NFIB: variants seen among roughly 807,000 people sequenced by gnomAD.
NFIB encodes the protein nuclear factor 1 B-type.
A neutral mutation model predicts 61.5 loss-of-function variants in NFIB; 11 were observed. The observed-to-expected ratio is 0.18, with a 90% confidence interval of 0.11 to 0.30. The LOEUF is 0.30. Ranked by LOEUF, NFIB falls within the 10% of genes least tolerant of loss-of-function variation. The pLI is 1.00. For synonymous variants in NFIB, 260 were observed against 216.5 expected (o/e 1.20, Z -1.76); for missense variants, 471 against 608.9 (o/e 0.77, Z 2.38).
intron 2 of NFIB, among the ~76,000 whole-genome samples, chr9:14,223,536 A>G (rs1431239526): frequency 6.6e-6 from 1 of 152,178 alleles, no homozygotes; most frequent in Non-Finnish European, 1.5e-5. Context: ...AGAAACCACT[A>G]ATTATTTAAT....
chr9:14,467,176 A>C, the NFIB span, among the ~76,000 whole-genome samples: 1 of 152,196 alleles, frequency 6.6e-6, no homozygotes, highest in Non-Finnish European at 1.5e-5. Context: ...AATAGAGTTC[A>C]TCATTTGATG....
intron 3 of NFIB, among the ~76,000 whole-genome samples, chr9:14,163,429 C>CA (rs1563851803): frequency 6.6e-6 from 1 of 151,578 alleles, no homozygotes; most frequent in Non-Finnish European, 1.5e-5. Context: ...ATAAAGAGAA[C>CA]AAAAAGTTGT....
At chr9:14,397,101 CTCTT>C (rs1352775197) in intron 1 of NFIB, among the ~76,000 whole-genome samples, 4 of 152,170 alleles carry the variant, frequency 2.6e-5, no homozygotes, top group Middle Eastern at 3.2e-3. Flanking sequence ...TTCTCTCTCT[CTCTT>C]TCTTTCTCAC....
At chr9:14,531,433 A>G in the NFIB span, among the ~76,000 whole-genome samples, 1 of 152,328 alleles carries the variant, frequency 6.6e-6, no homozygotes, top group East Asian at 1.9e-4. Flanking sequence ...TATTCATTGA[A>G]AGGGAGGTGG....
intron 3 of NFIB, among the ~76,000 whole-genome samples, chr9:14,165,720 C>A (rs1278692033): frequency 2.0e-5 from 3 of 152,124 alleles, no homozygotes; most frequent in Non-Finnish European, 2.9e-5. Context: ...CTCTTTGCAG[C>A]CCTTAAAAAT....
chr9:14,358,175 TTAA>T (rs2061197845), intron 1 of NFIB, among the ~76,000 whole-genome samples: 1 of 150,654 alleles, frequency 6.6e-6, no homozygotes, highest in Admixed American at 6.6e-5. Flanking sequence ...ATTTACATAA[TTAA>T]TATCTATTTA....
chr9:14,252,047 AG>A (rs2055690434), intron 2 of NFIB, among the ~76,000 whole-genome samples: 1 of 152,192 alleles, frequency 6.6e-6, no homozygotes, highest in Non-Finnish European at 1.5e-5. Flanking sequence ...AGGATTTGCA[AG>A]GGTACATGCA....
chr9:14,398,215 C>A (rs2061706963), intron 1 of NFIB, among the ~76,000 whole-genome samples: 1 of 147,124 alleles, frequency 6.8e-6, no homozygotes, highest in Non-Finnish European at 1.5e-5. Flanking sequence ...CTCAACTAAC[C>A]TTGCAGAAAT....
At chr9:14,317,866 G>C (rs1375920870), upstream of NFIB, among the ~76,000 whole-genome samples, 1 of 152,180 alleles carries the variant, frequency 6.6e-6, no homozygotes, top group East Asian at 1.9e-4. Flanking sequence ...GTAGAAGGAG[G>C]AACTGAGAAA....
intron 3 of NFIB, among the ~76,000 whole-genome samples, chr9:14,175,935 T>C (rs969541531): frequency 5.9e-5 from 9 of 152,212 alleles, no homozygotes; most frequent in Non-Finnish European, 1.2e-4. Flanking sequence ...ATCTGAATTC[T>C]AGATTGCTAT....
At chr9:14,332,553 T>A (rs2060835232) in intron 1 of NFIB, among the ~76,000 whole-genome samples, 1 of 152,158 alleles carries the variant, frequency 6.6e-6, no homozygotes, top group Non-Finnish European at 1.5e-5. Flanking sequence ...TGCCACGCCC[T>A]GTGCTCAAGT....
the NFIB span, among the ~76,000 whole-genome samples, chr9:14,508,698 C>A: frequency 6.6e-6 from 1 of 152,196 alleles, no homozygotes; most frequent in East Asian, 1.9e-4. Context: ...GATGGTCCGG[C>A]TACATGCCTC....
chr9:14,400,492 T>TA (rs1420450399), upstream of NFIB, among the ~76,000 whole-genome samples: 2 of 152,146 alleles, frequency 1.3e-5, no homozygotes, highest in African/African-American at 4.8e-5. Flanking sequence ...TAAGAAGCTG[T>TA]AAAAACATAC....
intron 2 of NFIB, among the ~76,000 whole-genome samples, chr9:14,218,904 C>T (rs1483174788): frequency 6.6e-6 from 1 of 152,202 alleles, no homozygotes; most frequent in Non-Finnish European, 1.5e-5. Flanking sequence ...TTACCTTACT[C>T]TTCGAAGTAC....
At chr9:14,246,957 T>G (rs2055003359) in intron 2 of NFIB, among the ~76,000 whole-genome samples, 1 of 152,106 alleles carries the variant, frequency 6.6e-6, no homozygotes, top group South Asian at 2.1e-4. Context: ...GAGATGCCAA[T>G]GTGCCTGATC....
chr9:14,134,265 A>G (rs1189254409), intron 6 of NFIB, among the ~76,000 whole-genome samples: 1 of 152,190 alleles, frequency 6.6e-6, no homozygotes, highest in African/African-American at 2.4e-5. Flanking sequence ...ATGTAAATTG[A>G]TAAGATCTAT....
Position 14,258,212 on chromosome 9 carries a change from G to A in NFIB, c.562+48777C>T, listed in dbSNP as rs369991276. On this transcript the variant is annotated intron_variant, in intron 2 of 10. Coordinates refer to ENST00000380953, the MANE Select transcript of NFIB (RefSeq NM_001190737.2). ...GTTTTATAACTGCTCTGATCTAACA[G>A]AGCAATTTATTCCAACATGCAATTT... Among the ~76,000 whole-genome samples, 5 of 152,326 alleles carry A rather than the reference G, an allele frequency of 3.3e-5. No individual in the cohort carries two copies. In the East Asian group the frequency reaches 9.6e-4, roughly 29 times the overall value.
chr9:14,482,279 C>T, the NFIB span, among the ~76,000 whole-genome samples: 80 of 152,222 alleles, frequency 5.3e-4, no homozygotes, highest in East Asian at 3.7e-3. Flanking sequence ...AGATACAGTG[C>T]CCTGACCAAG....
At chr9:14,267,910 A>G (rs2057327723) in intron 2 of NFIB, among the ~76,000 whole-genome samples, 1 of 152,168 alleles carries the variant, frequency 6.6e-6, no homozygotes, top group Non-Finnish European at 1.5e-5. Context: ...AGGTGGGAAG[A>G]TCACCTGAGG....
Sources: gnomAD v4.1 joint callset for allele counts (sites outside exome capture counted in the v4.1 genomes callset) on GRCh38, gnomAD v4.1.1 for gene constraint, MANE v1.5 for transcripts, NCBI Gene and HGNC (gene_info 2026-07-23, HGNC 2026-07-21) for gene names.